Variants in ACTR3 observed in about 807,000 individuals in gnomAD.
ACTR3 encodes the protein actin-related protein 3.
ACTR3 carries 12 observed loss-of-function variants against 56.8 expected under a neutral mutation model. The ratio of observed to expected loss-of-function variants is 0.21; its 90% CI spans 0.14 to 0.34. The LOEUF is 0.34. ACTR3 is among the 10% of genes least tolerant of loss of function. The pLI is 1.00. For synonymous variants in ACTR3, 162 were observed against 167.4 expected, an observed-to-expected ratio of 0.97 and a Z score of 0.25; for missense variants, 282 against 512.5, an observed-to-expected ratio of 0.55 and a Z score of 4.34.
At chr2:113,899,533 A>G (rs1382400486) in intron 1 of ACTR3, among the ~76,000 whole-genome samples, 1 of 152,248 alleles carries the variant, frequency 6.6e-6, no homozygotes, top group Non-Finnish European at 1.5e-5. Context: ...TGAAATAATT[A>G]TGGATGGCTT....
chr2:113,941,175 T>C (rs889286464), intron 7 of ACTR3, among the ~76,000 whole-genome samples: 1 of 152,154 alleles, frequency 6.6e-6, no homozygotes, highest in African/African-American at 2.4e-5. Context: ...AACTACTTCC[T>C]AGGTAGTAAA....
chr2:113,949,159 C>T (rs1303960445), intron 8 of ACTR3, among the ~76,000 whole-genome samples: 1 of 151,366 alleles, frequency 6.6e-6, no homozygotes. Context: ...AGGCGGATCA[C>T]CTGAGGTCAG....
chr2:113,890,422 C>G (rs1678863476), intron 1 of ACTR3, 99 bp downstream of exon 1: 1 of 1,356,604 alleles, frequency 7.4e-7, no homozygotes, highest in East Asian at 2.8e-5. Flanking sequence ...GGCGAGGTGC[C>G]GCCGCCGGCT....
At position 113,960,921 on chromosome 2, in the gene ACTR3, T is replaced by TTG. The variant is rs1251789225; in HGVS notation, c.*3468_*3469dup. The TTG allele has an allele frequency of 1.3e-5, 2 of 152,028 alleles. No homozygotes were observed. The highest frequency in any genetic ancestry group is 2.9e-5 in the Non-Finnish European group (2 of 67,918). The allele number at this position is 152,028 out of a possible 1,614,324, so 9.4% of individuals were successfully genotyped here. Reference sequence around the variant, plus strand: ...AAATATATTTCATTGTAACAGCACCTTGTATATATAGTTGGCCAAGGACAG... The same window carrying TTG: ...AAATATATTTCATTGTAACAGCACCTTGTGTATATATAGTTGGCCAAGGACAG... On this transcript the variant is annotated 3_prime_UTR_variant, in exon 12 of 12. Transcript: ENST00000263238.
chr2:113,923,663 T>C (rs1679561947), intron 3 of ACTR3, among the ~76,000 whole-genome samples: 1 of 152,046 alleles, frequency 6.6e-6, no homozygotes, highest in South Asian at 2.1e-4. Flanking sequence ...TTGTTGTTTC[T>C]ATTGTCACTG....
chr2:113,907,695 A>T (rs1679220267), intron 1 of ACTR3, among the ~76,000 whole-genome samples: 1 of 152,084 alleles, frequency 6.6e-6, no homozygotes, highest in South Asian at 2.1e-4. Context: ...GTTGTTGGCC[A>T]CGCACGGTGG....
At chr2:113,895,936 G>A (rs1678999471) in intron 1 of ACTR3, among the ~76,000 whole-genome samples, 1 of 152,088 alleles carries the variant, frequency 6.6e-6, no homozygotes, top group Non-Finnish European at 1.5e-5. Flanking sequence ...ATGGCTCACT[G>A]CATCCTCAAA....
Position 113,942,281 on chromosome 2 carries a change from T to C in ACTR3, c.780T>C (p.Asn260=), listed in dbSNP as rs1574378648. 2 of 1,604,748 alleles carry C rather than the reference T, an allele frequency of 1.2e-6. No individual in the cohort carries two copies. The highest frequency in any genetic ancestry group is 1.7e-6 in the Non-Finnish European group (2 of 1,176,424). The change falls in exon 8 of 12, where the codon AAT becomes AAC. Residue 260 remains asparagine, a synonymous_variant. Transcript: ENST00000263238. The stretch of plus-strand genomic sequence containing the variant: ...GGATTAAACAGTATACTGGAATCAA[T>C]GCTATCTCAAAGAAAGAGTTTTCTA... The part of the protein sequence containing the change: ...SKWIKQYTGI[N]AISKKEFSID...
At chr2:113,902,070 T>A (rs184040798) in intron 1 of ACTR3, among the ~76,000 whole-genome samples, 5 of 152,334 alleles carry the variant, frequency 3.3e-5, no homozygotes, top group Non-Finnish European at 7.3e-5. Flanking sequence ...CGTGAACATT[T>A]AATTATACTT....
intron 6 of ACTR3, among the ~76,000 whole-genome samples, chr2:113,935,240 C>G (rs1212071470): frequency 1.4e-5 from 2 of 147,940 alleles, no homozygotes; most frequent in Non-Finnish European, 3.0e-5. Context: ...CAATTCACTT[C>G]TTTAGAGTGT....
Position 113,962,243 on chromosome 2 carries a change from TTAAA to T in ACTR3, c.*4792_*4795del, listed in dbSNP as rs1680337724. ...GATCATGACTTTTCTGAAGCAGGTC[TTAAA>T]TAATTATCTAAGCCTTCAGTCATTT... is the stretch of plus-strand genomic sequence containing the variant. On this transcript the variant is annotated 3_prime_UTR_variant, in exon 12 of 12. Transcript: ENST00000263238. 1 of 151,998 alleles carries T rather than the reference TTAAA, an allele frequency of 6.6e-6. No individual in the cohort carries two copies. The highest frequency in any genetic ancestry group is 1.5e-5 in the Non-Finnish European group (1 of 67,914). 9.4% of individuals were successfully genotyped at this position (151,998 alleles called of 1,614,324 possible). A position where few individuals can be genotyped will look rare whatever the true frequency, so the allele number is the denominator to read the frequency against.
At position 113,890,093 on chromosome 2, in the gene ACTR3, C is replaced by T; in HGVS notation, c.-187C>T. On this transcript the variant is annotated 5_prime_UTR_variant, in exon 1 of 12. Coordinates refer to ENST00000263238, the MANE Select transcript of ACTR3 (RefSeq NM_005721.5). The stretch of plus-strand genomic sequence containing the variant: ...GGGGACTGCCTGCCTGCCTGGGTTG[C>T]GGAAGTGATAGCCGCCGACCGAGCC... The T allele has an allele frequency of 3.0e-6, 2 of 669,972 alleles. No individual in the cohort carries two copies. The highest frequency in any genetic ancestry group is 2.6e-6 in the Non-Finnish European group (1 of 389,424). 41.5% of individuals were successfully genotyped at this position (669,972 alleles called of 1,614,324 possible).
At chr2:113,933,444 A>G (rs1456921904) in intron 5 of ACTR3, among the ~76,000 whole-genome samples, 1 of 152,002 alleles carries the variant, frequency 6.6e-6, no homozygotes, top group Non-Finnish European at 1.5e-5. Flanking sequence ...AGAGGCGGAG[A>G]TTGCGGTGAG....
Position 113,935,043 on chromosome 2 carries a change from T to TG in ACTR3, c.540+657_540+658insG, listed in dbSNP as rs1339995753. ...ATTTACATTATTTTGAACTTTTTTT[T>TG]TTTTTTATTCTCACTCCAGTGTTTA... On this transcript the variant is annotated intron_variant, in intron 6 of 11. Transcript: ENST00000263238. 3.9e-5 allele frequency among the ~76,000 whole-genome samples: 6 copies of TG among 152,226 alleles called. No individual in the cohort carries two copies. In the East Asian group the frequency reaches 1.2e-3, roughly 29 times the overall value.
At chr2:113,908,555 A>G (rs1209179793) in intron 1 of ACTR3, among the ~76,000 whole-genome samples, 5 of 151,828 alleles carry the variant, frequency 3.3e-5, no homozygotes. Context: ...CTCATCTCAC[A>G]TATAAGCATT....
At chr2:113,900,887 A>C (rs1679087367) in intron 1 of ACTR3, among the ~76,000 whole-genome samples, 1 of 152,230 alleles carries the variant, frequency 6.6e-6, no homozygotes, top group Non-Finnish European at 1.5e-5. Flanking sequence ...GTCAGGTTAA[A>C]CATTGACTTG....
At chr2:113,934,992 T>TA (rs1679797601) in intron 6 of ACTR3, among the ~76,000 whole-genome samples, 1 of 152,166 alleles carries the variant, frequency 6.6e-6, no homozygotes, top group Non-Finnish European at 1.5e-5. Context: ...AAGTAATTTT[T>TA]ATATTATAAT....
intron 1 of ACTR3, among the ~76,000 whole-genome samples, chr2:113,907,881 A>G (rs1170892268): frequency 6.6e-6 from 1 of 150,918 alleles, no homozygotes; most frequent in African/African-American, 2.4e-5. Context: ...CTAAGGCAGG[A>G]AAATCGCTTC....
intron 6 of ACTR3, among the ~76,000 whole-genome samples, chr2:113,936,307 A>T (rs1458090792): frequency 7.7e-6 from 1 of 129,788 alleles, no homozygotes; most frequent in African/African-American, 3.0e-5. Context: ...GTCTCCAAAA[A>T]AAAAAAAAAA....
Sources: gnomAD v4.1 joint callset for allele counts (sites outside exome capture counted in the v4.1 genomes callset) on GRCh38, gnomAD v4.1.1 for gene constraint, MANE v1.5 for transcripts, NCBI Gene and HGNC (gene_info 2026-07-23, HGNC 2026-07-21) for gene names.